GGTA1: variants seen among roughly 807,000 people sequenced by gnomAD.
GGTA1 encodes glycoprotein alpha-galactosyltransferase 1 (inactive).
GGTA1 carries 5 observed loss-of-function variants against 2.6 expected under a neutral mutation model. The observed-to-expected ratio is 1.92, with a 90% CI of 1.00 to 4.04. The LOEUF (loss-of-function observed/expected upper bound fraction) is 4.04. GGTA1 is among the 30% of genes most tolerant of loss of function. The probability of loss-of-function intolerance (pLI) is 0.00; values close to 1 mark genes in which losing one functional copy is unlikely to be tolerated. For missense variants in GGTA1, 50 were observed against 16.7 expected (o/e 2.99, Z -3.47); for synonymous variants, 17 against 5.0 (o/e 3.38, Z -3.19).
chr9:121,453,689 G>A (rs1348850358), downstream of GGTA1, among the ~76,000 whole-genome samples: 1 of 152,222 alleles, frequency 6.6e-6, no homozygotes, highest in Non-Finnish European at 1.5e-5. Context: ...CCTACTGGCT[G>A]CACTGCCGTG....
At chr9:121,473,296 G>C (rs922098531) in intron 1 of GGTA1, among the ~76,000 whole-genome samples, 2 of 136,984 alleles carry the variant, frequency 1.5e-5, no homozygotes, top group Non-Finnish European at 3.0e-5. Flanking sequence ...CTCCGGCCTA[G>C]GTGACAGAGC....
intron 5 of GGTA1, 82 bp from the exon 6 acceptor site, chr9:121,455,923 A>G: frequency 2.3e-6 from 1 of 438,672 alleles, no homozygotes; most frequent in South Asian, 1.7e-5. Context: ...TAATTATTTG[A>G]TTCCACTGAC....
intron 5 of GGTA1, among the ~76,000 whole-genome samples, chr9:121,457,084 GA>G (rs1243343560): frequency 3.3e-5 from 5 of 152,232 alleles, no homozygotes; most frequent in Admixed American, 3.3e-4. Flanking sequence ...GTCGAGTGGA[GA>G]GAAGGGGATG....
chr9:121,464,988 C>CAAAAAAAA lies in GGTA1; in HGVS notation c.81-1661_81-1660insTTTTTTTT, dbSNP rs1325681219. On this transcript the variant is annotated intron_variant, in intron 2 of 5. Coordinates refer to ENST00000481799, the MANE Select transcript of GGTA1 (RefSeq NM_001382585.1). ...ATCATGTGGCCAATTCGTAAAGTGG[C>CAAAAAAAA]AAAAAAACAAAACAAACAAAAAAAA... Among the ~76,000 whole-genome samples, 18 of 121,954 alleles carry CAAAAAAAA rather than the reference C, an allele frequency of 1.5e-4. 1 individual carries two copies. The highest frequency in any genetic ancestry group is 2.6e-4 in the South Asian group (1 of 3,920). 80.0% of individuals were successfully genotyped at this position (121,954 alleles called of 152,430 possible). A position where few individuals can be genotyped will look rare whatever the true frequency, so the allele number is the denominator to read the frequency against.
At chr9:121,492,797 C>T (rs1360782268) in intron 1 of GGTA1, among the ~76,000 whole-genome samples, 3 of 151,866 alleles carry the variant, frequency 2.0e-5, no homozygotes, top group Non-Finnish European at 4.4e-5. Context: ...TTAAAGCAGG[C>T]CCCCCTGAAG....
chr9:121,497,312 A>C (rs2118788138), intron 1 of GGTA1, among the ~76,000 whole-genome samples: 1 of 152,330 alleles, frequency 6.6e-6, no homozygotes, highest in East Asian at 1.9e-4. Context: ...ATTAATGTCC[A>C]GTCCCCTACT....
In GGTA1 at chr9:121,465,394, C is replaced by T. The variant is rs540379287; in HGVS notation, c.81-2066G>A. ...AGCTCTTCTATTTACCAAAATCTTT[C>T]TTGTTCTGCCCTCTGGAGCAGATCA... On this transcript the variant is annotated intron_variant, in intron 2 of 5. Coordinates refer to ENST00000481799, the MANE Select transcript of GGTA1 (RefSeq NM_001382585.1). 4.6e-5 allele frequency among the ~76,000 whole-genome samples: 7 copies of T among 152,350 alleles called. No individual in the cohort carries two copies. The South Asian group carries it at 6.2e-4, about 14-fold the overall frequency.
intron 1 of GGTA1, among the ~76,000 whole-genome samples, chr9:121,490,804 A>G (rs1248211571): frequency 6.6e-6 from 1 of 152,172 alleles, no homozygotes; most frequent in Non-Finnish European, 1.5e-5. Context: ...CTTCCAAGAC[A>G]GGTGTCTTCT....
chr9:121,484,784 G>C (rs1828724239), intron 1 of GGTA1, among the ~76,000 whole-genome samples: 1 of 152,176 alleles, frequency 6.6e-6, no homozygotes, highest in Non-Finnish European at 1.5e-5. Flanking sequence ...AAGCTGCTCA[G>C]TCAAAATAAA....
At chr9:121,462,769 G>A (rs1423020677) in intron 3 of GGTA1, 1 of 152,200 alleles carries the variant, frequency 6.6e-6, no homozygotes, top group Admixed American at 6.5e-5. Context: ...ATGAAGGCTG[G>A]GGTAAGTACA....
At chr9:121,446,346 C>G (rs1484771241) in exon 8 of GGTA1, 1 of 152,390 alleles carries the variant, frequency 6.6e-6, no homozygotes, top group East Asian at 1.9e-4. Context: ...CTGGGACACT[C>G]CACCAATCTT....
At chr9:121,474,203 G>C (rs562946329) in intron 1 of GGTA1, among the ~76,000 whole-genome samples, 1 of 151,958 alleles carries the variant, frequency 6.6e-6, no homozygotes, top group Non-Finnish European at 1.5e-5. Flanking sequence ...AGCCCCAGTT[G>C]CACAGCCTGC....
chr9:121,448,823 T>C (rs2064864400), intron 7 of GGTA1, among the ~76,000 whole-genome samples: 1 of 152,186 alleles, frequency 6.6e-6, no homozygotes, highest in African/African-American at 2.4e-5. Flanking sequence ...CATATCACTA[T>C]CACCCAACAT....
At chr9:121,464,965 CAT>C (rs1176702699) in intron 2 of GGTA1, among the ~76,000 whole-genome samples, 3 of 148,036 alleles carry the variant, frequency 2.0e-5, no homozygotes, top group East Asian at 3.9e-4. Flanking sequence ...CTCAACCTAT[CAT>C]GTGGCCAATT....
intron 1 of GGTA1, among the ~76,000 whole-genome samples, chr9:121,491,821 G>C (rs1274997843): frequency 6.6e-6 from 1 of 152,014 alleles, no homozygotes; most frequent in East Asian, 1.9e-4. Flanking sequence ...TGTTGGCCAG[G>C]GTGGTCTCGA....
chr9:121,453,640 C>A (rs1043734185), downstream of GGTA1, among the ~76,000 whole-genome samples: 1 of 152,162 alleles, frequency 6.6e-6, no homozygotes, highest in Non-Finnish European at 1.5e-5. Context: ...TTAGTTCAAC[C>A]CCAGGAAGGC....
chr9:121,448,580 G>T (rs1000074690), intron 7 of GGTA1, among the ~76,000 whole-genome samples: 1 of 151,990 alleles, frequency 6.6e-6, no homozygotes, highest in Non-Finnish European at 1.5e-5. Flanking sequence ...AGCCACATTC[G>T]GTGGCTGAGT....
At chr9:121,480,702 C>A (rs1161479206) in intron 1 of GGTA1, among the ~76,000 whole-genome samples, 1 of 152,198 alleles carries the variant, frequency 6.6e-6, no homozygotes, top group African/African-American at 2.4e-5. Context: ...TGGCCACAAC[C>A]TTTAGGGTCC....
intron 7 of GGTA1, among the ~76,000 whole-genome samples, chr9:121,449,284 A>G (rs538243183): frequency 6.6e-6 from 1 of 152,304 alleles, no homozygotes; most frequent in African/African-American, 2.4e-5. Context: ...TTGTAGACAT[A>G]AGTTTTTAAC....
Sources: allele counts gnomAD v4.1 joint callset (sites outside exome capture counted in the v4.1 genomes callset), GRCh38; gene constraint gnomAD v4.1.1; transcripts MANE v1.5; gene names NCBI Gene and HGNC (gene_info 2026-07-23, HGNC 2026-07-21).